NKAIN1: variants seen among roughly 807,000 people sequenced by gnomAD.
NKAIN1 encodes sodium/potassium-transporting ATPase subunit beta-1-interacting protein 1.
In NKAIN1, 13 loss-of-function variants were observed where a neutral mutation model predicts 31.6. The ratio of observed to expected loss-of-function variants is 0.41; its 90% CI spans 0.27 to 0.65. NKAIN1 has a LOEUF of 0.65. Among genes scored for constraint, NKAIN1 ranks in the 30% least tolerant of loss-of-function variants. The pLI is 0.30. For missense variants in NKAIN1, 193 were observed against 262.2 expected (o/e 0.74, Z 1.82); for synonymous variants, 104 against 109.0 (o/e 0.95, Z 0.28).
intron 1 of NKAIN1, among the ~76,000 whole-genome samples, chr1:31,229,023 A>G (rs7534957): frequency 0.33 from 50,315 of 151,968 alleles, 10,936 homozygotes; most frequent in African/African-American, 0.62. Flanking sequence ...TTCCCACTTC[A>G]TAGGCTGTGA....
rs1343632300 is a variant in NKAIN1 at position 31,216,922 on chromosome 1, A to G, written c.54+22572T>C. Among the ~76,000 whole-genome samples, 4 of 151,484 alleles carry G rather than the reference A, an allele frequency of 2.6e-5. No individual in the cohort carries two copies. In the South Asian group the frequency reaches 6.2e-4, roughly 24 times the overall value. ...TCTGTGTTGCCGAGGCTGGAGTGCA[A>G]TGGTGCGATCTTGGCTCACTGCAAA... On this transcript the variant is annotated intron_variant, in intron 1 of 6. Coordinates refer to ENST00000373736, the MANE Select transcript of NKAIN1 (RefSeq NM_024522.3).
At chr1:31,194,742 C>T (rs1209470166) in intron 1 of NKAIN1, among the ~76,000 whole-genome samples, 8 of 138,938 alleles carry the variant, frequency 5.8e-5, no homozygotes, top group African/African-American at 1.3e-4. Context: ...TTTCCTTTTC[C>T]TTCCTTCCTT....
chr1:31,211,863 A>G (rs1005197713), intron 1 of NKAIN1, among the ~76,000 whole-genome samples: 1 of 151,966 alleles, frequency 6.6e-6, no homozygotes, highest in Non-Finnish European at 1.5e-5. Context: ...AATCGCTTGA[A>G]CCCAGGAGGC....
intron 1 of NKAIN1, chr1:31,193,804 TAC>T (rs1184250386): frequency 2.0e-4 from 31 of 152,128 alleles, no homozygotes; most frequent in Admixed American, 2.0e-3. Flanking sequence ...ATAAGAGGAA[TAC>T]CTTTCCCACC....
chr1:31,232,424 T>TATATATATATATATATATATAG (rs1313157898), intron 1 of NKAIN1, among the ~76,000 whole-genome samples: 2 of 16,924 alleles, frequency 1.2e-4, no homozygotes, highest in South Asian at 3.3e-3. Flanking sequence ...TATATATATA[T>TATATATATATATATATATATAG]AGAGAGAGAG....
intron 4 of NKAIN1, among the ~76,000 whole-genome samples, 169 bp downstream of exon 4, chr1:31,183,648 A>T (rs1440514643): frequency 6.6e-6 from 1 of 151,900 alleles, no homozygotes; most frequent in Non-Finnish European, 1.5e-5. Flanking sequence ...GGGTTTCTCC[A>T]TGTTGGTCAG....
chr1:31,208,418 C>G (rs981645623), intron 1 of NKAIN1, among the ~76,000 whole-genome samples: 1 of 152,166 alleles, frequency 6.6e-6, no homozygotes, highest in Non-Finnish European at 1.5e-5. Context: ...GGCTTCCTTT[C>G]GTGAAGATTT....
chr1:31,181,498 G>T lies in NKAIN1; in HGVS notation c.*205C>A. On this transcript the variant is annotated 3_prime_UTR_variant, in exon 7 of 7. Coordinates refer to ENST00000373736, the MANE Select transcript of NKAIN1 (RefSeq NM_024522.3). ...CCCCGCCCCGCCCCACTCCTCCGAA[G>T]TCCGGGCTGCGAAGAGCCAAGCTCA... The T allele has an allele frequency of 4.6e-6, 2 of 433,382 alleles. No homozygotes were observed. The highest frequency in any genetic ancestry group is 3.6e-5 in the East Asian group (1 of 27,758). The allele number at this position is 433,382 out of a possible 1,614,324, so 26.8% of individuals were successfully genotyped here. A position where few individuals can be genotyped will look rare whatever the true frequency, so the allele number is the denominator to read the frequency against.
intron 1 of NKAIN1, among the ~76,000 whole-genome samples, chr1:31,208,958 G>T (rs1046803608): frequency 5.3e-5 from 8 of 152,162 alleles, no homozygotes; most frequent in Admixed American, 6.5e-5. Flanking sequence ...CCTCCCAGGG[G>T]GTGGGAGTGG....
intron 1 of NKAIN1, among the ~76,000 whole-genome samples, chr1:31,237,646 C>T (rs1056960249): frequency 2.0e-5 from 3 of 151,872 alleles, no homozygotes; most frequent in African/African-American, 2.4e-5. Flanking sequence ...ATTACAGATG[C>T]GTGCCACCAC....
In NKAIN1 at chr1:31,192,384, C is replaced by T. The variant is rs568258131; in HGVS notation, c.55-4197G>A. ...CGTTTAGTCTATGTCAGGCTTTGTG[C>T]TAGCTCCGGGATGCAGAAGTGAAGA... On this transcript the variant is annotated intron_variant, in intron 1 of 6. Coordinates refer to ENST00000373736, the MANE Select transcript of NKAIN1 (RefSeq NM_024522.3). Among the ~76,000 whole-genome samples, 17 of 152,294 alleles carry T rather than the reference C, an allele frequency of 1.1e-4. 1 individual carries two copies. In the East Asian group the frequency reaches 3.3e-3, roughly 29 times the overall value.
intron 1 of NKAIN1, among the ~76,000 whole-genome samples, chr1:31,204,586 G>A (rs968296901): frequency 3.9e-5 from 6 of 152,164 alleles, no homozygotes; most frequent in African/African-American, 1.4e-4. Flanking sequence ...AGGGGTGAAG[G>A]GGAAGACAAT....
At chr1:31,182,336 G>A (rs1645209264) in intron 5 of NKAIN1, among the ~76,000 whole-genome samples, 194 bp downstream of exon 5, 7 of 152,164 alleles carry the variant, frequency 4.6e-5, no homozygotes, top group Admixed American at 4.6e-4. Context: ...CCAGGGACTG[G>A]GCACCTGGAC....
At chr1:31,200,055 ACGCACG>A (rs1227984309) in intron 1 of NKAIN1, among the ~76,000 whole-genome samples, 1 of 128,846 alleles carries the variant, frequency 7.8e-6, no homozygotes. Flanking sequence ...ACGTGCACAC[ACGCACG>A]CGCACGCACG....
At chr1:31,211,899 G>A (rs113041245) in intron 1 of NKAIN1, among the ~76,000 whole-genome samples, 67 of 152,094 alleles carry the variant, frequency 4.4e-4, no homozygotes, top group African/African-American at 1.4e-3. Flanking sequence ...CCAAGATTGC[G>A]CCACTGCACT....
At chr1:31,181,811 C>A (rs1645200394) in intron 6 of NKAIN1, 49 bp downstream of exon 6, 4 of 1,571,984 alleles carry the variant, frequency 2.5e-6, no homozygotes, top group Non-Finnish European at 3.5e-6. Context: ...CTCCTTTTCG[C>A]AACCCCGACG....
At chr1:31,198,885 G>A (rs1237522152) in intron 1 of NKAIN1, among the ~76,000 whole-genome samples, 1 of 152,182 alleles carries the variant, frequency 6.6e-6, no homozygotes, top group Non-Finnish European at 1.5e-5. Flanking sequence ...TGGGGAGTGA[G>A]GGACAAGGGC....
At chr1:31,231,303 C>T (rs2148367905) in intron 1 of NKAIN1, among the ~76,000 whole-genome samples, 1 of 151,146 alleles carries the variant, frequency 6.6e-6, no homozygotes, top group South Asian at 2.1e-4. Context: ...TCCCCGACTA[C>T]CTTTCCCAGC....
chr1:31,229,393 G>A (rs1053306686), intron 1 of NKAIN1, among the ~76,000 whole-genome samples: 10 of 152,052 alleles, frequency 6.6e-5, no homozygotes, highest in African/African-American at 9.7e-5. Flanking sequence ...CATCTGGGGT[G>A]GGAGCAGTGC....
Sources: gnomAD v4.1 joint callset for allele counts (sites outside exome capture counted in the v4.1 genomes callset) on GRCh38, gnomAD v4.1.1 for gene constraint, MANE v1.5 for transcripts, NCBI Gene and HGNC (gene_info 2026-07-23, HGNC 2026-07-21) for gene names.